The following NDC80 variants were observed in gnomAD, a reference collection of about 807,000 sequenced individuals.
The protein encoded by NDC80 is kinetochore protein NDC80 homolog.
A neutral mutation model predicts 89.3 loss-of-function variants in NDC80; 69 were observed. That is an observed-to-expected ratio of 0.77 (90% CI 0.64 to 0.94). The LOEUF (loss-of-function observed/expected upper bound fraction) is 0.94, where lower values mean the gene tolerates loss of function less well. Among genes scored for constraint, NDC80 ranks in the 40% least tolerant of loss-of-function variants. NDC80 has a pLI of 0.00. For missense variants in NDC80, 593 were observed against 739.6 expected, an observed-to-expected ratio of 0.80 and a Z score of 2.30; for synonymous variants, 243 against 255.6, an observed-to-expected ratio of 0.95 and a Z score of 0.47.
intron 6 of NDC80, chr18:2,582,810 G>A (rs1234088505): frequency 6.6e-6 from 1 of 152,142 alleles, no homozygotes; most frequent in African/African-American, 2.4e-5. Flanking sequence ...CTCCTAAATT[G>A]TTTGTTCATG....
chr18:2,598,278 G>A (rs1341930978), intron 11 of NDC80, among the ~76,000 whole-genome samples: 6 of 152,152 alleles, frequency 3.9e-5, no homozygotes, highest in Non-Finnish European at 8.8e-5. Flanking sequence ...AAGTTGCCTA[G>A]ACTCTGCAAA....
At chr18:2,576,309 G>T (rs1462459967) in intron 3 of NDC80, among the ~76,000 whole-genome samples, 1 of 152,034 alleles carries the variant, frequency 6.6e-6, no homozygotes, top group Non-Finnish European at 1.5e-5. Context: ...TAAATAACAT[G>T]TTTTCAACTT....
At position 2,606,466 on chromosome 18, in the gene NDC80, G is replaced by A. The variant is rs2143664776; in HGVS notation, c.1516G>A (p.Glu506Lys). The A allele has an allele frequency of 6.2e-7, 1 of 1,607,084 alleles. No individual in the cohort carries two copies. The highest frequency in any genetic ancestry group is 2.3e-5 in the East Asian group (1 of 44,400). The change falls in exon 14 of 17, where the codon GAA (glutamate) becomes AAA (lysine). Residue 506 changes from glutamate to lysine, a missense_variant. Glu to Lys is a moderately conservative substitution (Grantham distance 56, BLOSUM62 1). Coordinates refer to ENST00000261597, the MANE Select transcript of NDC80 (RefSeq NM_006101.3). ...GAGAAGTGTGAGAACTCTGAAAGAA[G>A]AAGTTCAAAAGCTGGATGATCTTTA... ...SKRSVRTLKE[E>K]VQKLDDLYQQ...
At position 2,610,213 on chromosome 18, in the gene NDC80, T is replaced by G. The variant is rs13313596; in HGVS notation, c.1689-546T>G. ...CTGAACAGTTAATCCATAGGCTCCG[T>G]GTACATTTATGTAAAATATACATTT... is the stretch of plus-strand genomic sequence containing the variant. On this transcript the variant is annotated intron_variant, in intron 15 of 16. Coordinates refer to ENST00000261597, the MANE Select transcript of NDC80 (RefSeq NM_006101.3). 5.8e-3 allele frequency among the ~76,000 whole-genome samples: 886 copies of G among 152,354 alleles called. 11 individuals are homozygous for G. Among genetic ancestry groups the G allele is most frequent in the African/African-American group, 0.02 (846 of 41,582 alleles).
chr18:2,613,818 GA>G (rs2082073826), intron 16 of NDC80, among the ~76,000 whole-genome samples: 1 of 152,082 alleles, frequency 6.6e-6, no homozygotes, highest in Non-Finnish European at 1.5e-5. Context: ...ACTGATAGAA[GA>G]TGTTTTTTAA....
Position 2,590,029 on chromosome 18 carries a change from G to T in NDC80, c.882G>T (p.Glu294Asp). The T allele has an allele frequency of 6.2e-7, 1 of 1,600,550 alleles. No individual in the cohort carries two copies. Among genetic ancestry groups the T allele is most frequent in the Non-Finnish European group, 8.5e-7 (1 of 1,173,804 alleles). Reference protein sequence around the residue: ...QEREKEPNRLESLRKLKASLQ... With the variant: ...QEREKEPNRLDSLRKLKASLQ... ...CTTTTCTCTTAAAGAATCGTCTAGA[G>T]TCGTTGAGAAAACTGAAGGCTTCCT... Residue 294 changes from glutamate to aspartate, a missense_variant, in exon 10 of 17, where the codon GAG becomes GAT. Physicochemically the swap from Glu to Asp is conservative, Grantham distance 45 (BLOSUM62 2). Transcript: ENST00000261597.
chr18:2,600,917 A>C (rs929265426), intron 12 of NDC80, among the ~76,000 whole-genome samples: 12 of 152,346 alleles, frequency 7.9e-5, no homozygotes, highest in African/African-American at 2.9e-4. Context: ...ATTTCACCTC[A>C]ATTTAGAAAA....
chr18:2,608,398 G>A (rs1385262249), intron 14 of NDC80, among the ~76,000 whole-genome samples: 1 of 151,694 alleles, frequency 6.6e-6, no homozygotes, highest in African/African-American at 2.4e-5. Flanking sequence ...TAGAGATGGG[G>A]TTTCACCTCG....
At chr18:2,600,386 A>G (rs1285591144) in intron 12 of NDC80, among the ~76,000 whole-genome samples, 1 of 152,132 alleles carries the variant, frequency 6.6e-6, no homozygotes, top group Non-Finnish European at 1.5e-5. Context: ...CTAAGTGGGC[A>G]GATCACGAGG....
At position 2,577,752 on chromosome 18, in the gene NDC80, T is replaced by C. The variant is rs1447209272; in HGVS notation, c.186T>C (p.Ser62=). 3.1e-6 allele frequency: 5 copies of C among 1,613,634 alleles called. No individual in the cohort carries two copies. The highest frequency in any genetic ancestry group is 4.2e-6 in the Non-Finnish European group (5 of 1,179,924). ...RKVSLFGKRT[S]GHGSRNSQLG... Reference sequence around the variant, plus strand: ...TTTAAAAATATATTTCCAGAACTAGTGGACATGGATCCCGGAATAGTCAAC... The same window carrying C: ...TTTAAAAATATATTTCCAGAACTAGCGGACATGGATCCCGGAATAGTCAAC... Residue 62 remains serine (S), a synonymous_variant, in exon 4 of 17, where the codon AGT becomes AGC. Coordinates refer to ENST00000261597, the MANE Select transcript of NDC80 (RefSeq NM_006101.3).
Position 2,601,437 on chromosome 18 carries a change from T to G in NDC80, c.1416T>G (p.Ile472Met). The change falls in exon 13 of 17, where the codon ATT becomes ATG. Residue 472 changes from isoleucine (I) to methionine (M), a missense_variant. Ile to Met is a conservative substitution (Grantham distance 10, BLOSUM62 1). Transcript: ENST00000261597. ...TCCTGAATGAAACTGAAGAAGAAAT[T>G]AATAAAGCCCTAAATAAAAAAATGG... ...KELLNETEEE[I>M]NKALNKKMGL... 6.5e-7 allele frequency: 1 copy of G among 1,529,226 alleles called. No individual in the cohort carries two copies. The highest frequency in any genetic ancestry group is 1.2e-5 in the South Asian group (1 of 81,138). 94.7% of individuals were successfully genotyped at this position (1,529,226 alleles called of 1,614,324 possible).
At chr18:2,615,053 A>C (rs941011741) in intron 16 of NDC80, 2 of 152,274 alleles carry the variant, frequency 1.3e-5, no homozygotes, top group Non-Finnish European at 2.9e-5. Flanking sequence ...TCTTCCCTAG[A>C]GCCTTCAGAG....
At position 2,573,000 on chromosome 18, in the gene NDC80, A is replaced by G. The variant is rs1433631131; in HGVS notation, c.15A>G (p.Ser5=). 5 of 1,613,948 alleles carry G rather than the reference A, an allele frequency of 3.1e-6. No homozygotes were observed. The highest frequency in any genetic ancestry group is 2.2e-5 in the South Asian group (2 of 91,068). MKRS[S]VSSGGAGRLS... ...AGGTCATAAGCATGAAGCGCAGTTC[A>G]GTTTCCAGCGGTGGTGCTGGCCGCC... Residue 5 remains serine, a synonymous_variant, in exon 2 of 17, where the codon TCA becomes TCG. Transcript: ENST00000261597.
At chr18:2,597,901 A>C (rs2072665635) in intron 11 of NDC80, among the ~76,000 whole-genome samples, 1 of 152,124 alleles carries the variant, frequency 6.6e-6, no homozygotes, top group South Asian at 2.1e-4. Flanking sequence ...AGAAGGAAGA[A>C]GTTGTGAGAC....
intron 15 of NDC80, among the ~76,000 whole-genome samples, chr18:2,609,386 G>A (rs2072730979): frequency 6.6e-6 from 1 of 152,050 alleles, no homozygotes; most frequent in Non-Finnish European, 1.5e-5. Flanking sequence ...TCAGTAGTTA[G>A]GCTCAGTGGC....
chr18:2,585,275 G>A (rs1598366268), intron 7 of NDC80, 73 bp downstream of exon 7: 2 of 1,137,344 alleles, frequency 1.8e-6, no homozygotes, highest in East Asian at 2.4e-5. Context: ...ATTTAATACA[G>A]ATGCCCCTCG....
intron 11 of NDC80, among the ~76,000 whole-genome samples, chr18:2,596,846 G>A (rs9675984): frequency 0.44 from 64,856 of 148,240 alleles, 14,350 homozygotes; most frequent in Middle Eastern, 0.48. Flanking sequence ...CTATGCAGCC[G>A]TAAAAAATGA....
intron 10 of NDC80, among the ~76,000 whole-genome samples, chr18:2,591,620 TA>T: frequency 6.6e-6 from 1 of 152,152 alleles, no homozygotes. Context: ...GGATTTGCTC[TA>T]AACCAACTCT....
At chr18:2,588,769 T>C (rs187093802) in intron 8 of NDC80, among the ~76,000 whole-genome samples, 2 of 152,292 alleles carry the variant, frequency 1.3e-5, no homozygotes, top group South Asian at 2.1e-4. Flanking sequence ...AAGCATCTAA[T>C]GAGTAATTTG....
Sources: gnomAD v4.1 joint callset for allele counts (sites outside exome capture counted in the v4.1 genomes callset) on GRCh38, gnomAD v4.1.1 for gene constraint, MANE v1.5 for transcripts, NCBI Gene and HGNC (gene_info 2026-07-23, HGNC 2026-07-21) for gene names.